Variants in IQCM observed in about 807,000 individuals in gnomAD.
IQCM encodes IQ domain-containing protein M.
IQCM carries 45 observed loss-of-function variants against 57.6 expected under a neutral mutation model. That is an observed-to-expected ratio of 0.78 (90% CI 0.62 to 1.00). The LOEUF (loss-of-function observed/expected upper bound fraction) is 1.00. Ranked by LOEUF, IQCM falls within the 50% of genes least tolerant of loss-of-function variation. IQCM has a pLI of 0.00. For missense variants in IQCM, 468 were observed against 511.6 expected (o/e 0.91, Z 0.82); for synonymous variants, 148 against 158.9 (o/e 0.93, Z 0.51).
chr4:149,405,794 T>G (rs549977183), intron 13 of IQCM, among the ~76,000 whole-genome samples: 72 of 148,622 alleles, frequency 4.8e-4, no homozygotes, highest in Admixed American at 8.1e-4. Flanking sequence ...GTCAGTATTT[T>G]TCAACCCTTT....
intron 7 of IQCM, among the ~76,000 whole-genome samples, chr4:149,630,295 G>A (rs1450835143): frequency 6.6e-6 from 1 of 152,184 alleles, no homozygotes; most frequent in Non-Finnish European, 1.5e-5. Context: ...AGCAGGATTG[G>A]GACTGTGTCC....
At chr4:149,783,493 A>T (rs1480653123) in intron 2 of IQCM, among the ~76,000 whole-genome samples, 1 of 152,178 alleles carries the variant, frequency 6.6e-6, no homozygotes, top group Non-Finnish European at 1.5e-5. Flanking sequence ...GATATTCTTC[A>T]TATAGCAACA....
At chr4:149,704,387 A>G (rs1036827389) in intron 5 of IQCM, among the ~76,000 whole-genome samples, 8 of 151,900 alleles carry the variant, frequency 5.3e-5, no homozygotes, top group Non-Finnish European at 2.9e-5. Context: ...TTTTGCAAAT[A>G]AAGCTTTATT....
At chr4:149,579,817 T>A (rs923708144) in intron 9 of IQCM, among the ~76,000 whole-genome samples, 1 of 151,824 alleles carries the variant, frequency 6.6e-6, no homozygotes, top group Admixed American at 6.6e-5. Context: ...CAGTCTCTAG[T>A]AGCTGCTTTT....
chr4:149,690,625 T>C (rs779251676), intron 5 of IQCM, among the ~76,000 whole-genome samples: 15 of 152,106 alleles, frequency 9.9e-5, no homozygotes, highest in Non-Finnish European at 1.8e-4. Context: ...GCATAGATTA[T>C]GTGCAAATAC....
chr4:149,731,858 G>A (rs980310040), intron 5 of IQCM, among the ~76,000 whole-genome samples: 1 of 147,240 alleles, frequency 6.8e-6, no homozygotes, highest in African/African-American at 2.5e-5. Flanking sequence ...GGAATATAAC[G>A]TGTATTTTAT....
intron 2 of IQCM, among the ~76,000 whole-genome samples, chr4:149,813,433 A>C (rs576571930): frequency 5.2e-4 from 79 of 152,238 alleles, no homozygotes; most frequent in African/African-American, 1.7e-3. Context: ...CAGGTGGACA[A>C]GAAGTAATTG....
At chr4:149,675,203 A>G (rs1761647053) in intron 7 of IQCM, among the ~76,000 whole-genome samples, 1 of 152,100 alleles carries the variant, frequency 6.6e-6, no homozygotes, top group African/African-American at 2.4e-5. Flanking sequence ...ATTGACAAGG[A>G]TCCAGGGTCT....
chr4:149,492,443 A>C (rs1168520388), intron 12 of IQCM, among the ~76,000 whole-genome samples: 1 of 152,126 alleles, frequency 6.6e-6, no homozygotes, highest in Non-Finnish European at 1.5e-5. Flanking sequence ...CAACACAAGC[A>C]TCTACAAACT....
Position 149,351,920 on chromosome 4 carries a change from A to C in IQCM, c.*31T>G, listed in dbSNP as rs1051982880. On this transcript the variant is annotated 3_prime_UTR_variant, in exon 14 of 14. Transcript: ENST00000636793. ...CTTGTCTCTTTGGGTAGAGAAGTTTAACTATTACAGGTAATAATATGTTGG... is the reference window on the plus strand; with the variant it reads ...CTTGTCTCTTTGGGTAGAGAAGTTTCACTATTACAGGTAATAATATGTTGG... 9 of 398,588 alleles carry C rather than the reference A, an allele frequency of 2.3e-5. No individual in the cohort carries two copies. Among genetic ancestry groups the C allele is most frequent in the Admixed American group, 1.3e-4 (3 of 22,710 alleles). 24.7% of individuals were successfully genotyped at this position (398,588 alleles called of 1,614,324 possible). A position where few individuals can be genotyped will look rare whatever the true frequency, so the allele number is the denominator to read the frequency against.
intron 10 of IQCM, among the ~76,000 whole-genome samples, chr4:149,560,122 C>CTATA (rs1406735466): frequency 6.6e-5 from 10 of 152,166 alleles, no homozygotes; most frequent in Non-Finnish European, 1.5e-4. Flanking sequence ...ATGACCTGTC[C>CTATA]TATAGGCTTC....
chr4:149,545,529 CAA>C (rs1235793660), intron 12 of IQCM, among the ~76,000 whole-genome samples: 2 of 151,994 alleles, frequency 1.3e-5, no homozygotes, highest in East Asian at 3.9e-4. Context: ...ATTAAAAAGA[CAA>C]GAGATAGCAG....
At chr4:149,624,224 G>A (rs1483813404) in intron 7 of IQCM, among the ~76,000 whole-genome samples, 1 of 151,820 alleles carries the variant, frequency 6.6e-6, no homozygotes, top group African/African-American at 2.4e-5. Context: ...TGACTACAAG[G>A]CTAACCAACA....
intron 5 of IQCM, chr4:149,711,084 C>T (rs1764526597): frequency 6.6e-6 from 1 of 152,112 alleles, no homozygotes; most frequent in Admixed American, 6.6e-5. Flanking sequence ...TAATGTTGGG[C>T]ACTTTAAATG....
chr4:149,725,564 G>A (rs1182715833), intron 5 of IQCM, among the ~76,000 whole-genome samples: 13 of 152,146 alleles, frequency 8.5e-5, no homozygotes, highest in Non-Finnish European at 1.9e-4. Context: ...AGTCTATAAT[G>A]AGATTTTCAG....
At chr4:149,582,357 T>G (rs181081862) in intron 9 of IQCM, among the ~76,000 whole-genome samples, 4,571 of 51,328 alleles carry the variant, frequency 0.089, 511 homozygotes, top group African/African-American at 0.21. Context: ...TATATATATA[T>G]ATATATATAT....
intron 5 of IQCM, among the ~76,000 whole-genome samples, chr4:149,706,059 T>C (rs780824522): frequency 1.1e-4 from 17 of 151,992 alleles, no homozygotes; most frequent in African/African-American, 3.9e-4. Context: ...TTGCTTTCAT[T>C]GCAAAATAGG....
chr4:149,625,287 C>T lies in IQCM; in HGVS notation c.566-4043G>A, dbSNP rs188965960. ...GGCCTTTACTCTAAAATTACTTAAA[C>T]CACCTTCTTTTGTTTGTTTATAATA... On this transcript the variant is annotated intron_variant, in intron 7 of 13. Coordinates refer to ENST00000636793, the MANE Select transcript of IQCM (RefSeq NM_001363507.2). 1.9e-3 allele frequency among the ~76,000 whole-genome samples: 290 copies of T among 152,236 alleles called. 3 individuals are homozygous for T. Among genetic ancestry groups the T allele is most frequent in the Non-Finnish European group, 3.1e-3 (209 of 68,006 alleles).
At chr4:149,578,819 G>T (rs148985772) in intron 9 of IQCM, among the ~76,000 whole-genome samples, 1 of 151,818 alleles carries the variant, frequency 6.6e-6, no homozygotes, top group African/African-American at 2.4e-5. Flanking sequence ...ACCCCCAAGC[G>T]GGAACACACA....
Sources: allele counts gnomAD v4.1 joint callset (sites outside exome capture counted in the v4.1 genomes callset), GRCh38; gene constraint gnomAD v4.1.1; transcripts MANE v1.5; gene names NCBI Gene and HGNC (gene_info 2026-07-23, HGNC 2026-07-21).